Variants in CDKAL1 observed in about 807,000 individuals in gnomAD.
The protein encoded by CDKAL1 is threonylcarbamoyladenosine tRNA methylthiotransferase.
In CDKAL1, 32 loss-of-function variants were observed where a neutral mutation model predicts 68.2. That is an observed-to-expected ratio of 0.47 (90% CI 0.35 to 0.63). The LOEUF is 0.63. Ranked by LOEUF, CDKAL1 falls within the 30% of genes least tolerant of loss-of-function variation. The probability of loss-of-function intolerance (pLI) is 0.00; values close to 1 mark genes in which losing one functional copy is unlikely to be tolerated. For missense variants in CDKAL1, 606 were observed against 696.7 expected (o/e 0.87, Z 1.47); for synonymous variants, 234 against 244.3 (o/e 0.96, Z 0.39).
intron 3 of CDKAL1, among the ~76,000 whole-genome samples, chr6:20,548,026 A>G (rs997512170): frequency 1.3e-5 from 2 of 152,184 alleles, no homozygotes; most frequent in African/African-American, 4.8e-5. Context: ...TATGAATTTA[A>G]AATGCAATTC....
chr6:21,200,939 A>G (rs369843717), intron 14 of CDKAL1, 171 bp from the exon 15 acceptor site: 3 of 501,258 alleles, frequency 6.0e-6, no homozygotes, highest in Non-Finnish European at 1.0e-5. Flanking sequence ...GGGTTCATTA[A>G]TTGTGGCAAA....
intron 9 of CDKAL1, among the ~76,000 whole-genome samples, chr6:20,874,557 C>T (rs981406089): frequency 4.0e-5 from 6 of 151,708 alleles, no homozygotes; most frequent in Non-Finnish European, 5.9e-5. Flanking sequence ...ACTCTGTAAC[C>T]GAGGCTGGAG....
chr6:21,207,985 G>A (rs6902505), intron 15 of CDKAL1, among the ~76,000 whole-genome samples: 4 of 151,558 alleles, frequency 2.6e-5, no homozygotes, highest in South Asian at 2.1e-4. Context: ...CCATTCTTAC[G>A]GACAGACATT....
chr6:21,123,711 T>C (rs575581282), intron 13 of CDKAL1, among the ~76,000 whole-genome samples: 1 of 152,368 alleles, frequency 6.6e-6, no homozygotes, highest in African/African-American at 2.4e-5. Context: ...AGTCCACTTT[T>C]ATCACAGACC....
At chr6:20,749,864 T>G (rs1365769119) in intron 6 of CDKAL1, among the ~76,000 whole-genome samples, 2 of 151,742 alleles carry the variant, frequency 1.3e-5, no homozygotes, top group Non-Finnish European at 2.9e-5. Flanking sequence ...TTCTTTTTCT[T>G]TTCCTTTTTT....
chr6:20,995,535 G>A (rs1237551138), intron 10 of CDKAL1, among the ~76,000 whole-genome samples: 1 of 152,188 alleles, frequency 6.6e-6, no homozygotes, highest in Non-Finnish European at 1.5e-5. Flanking sequence ...AGATGACCAG[G>A]TGCATTGTCC....
intron 13 of CDKAL1, among the ~76,000 whole-genome samples, chr6:21,171,325 G>A (rs908622310): frequency 6.6e-6 from 1 of 152,090 alleles, no homozygotes; most frequent in Admixed American, 6.5e-5. Context: ...GGATTCTCCT[G>A]CCTCAGCCTC....
intron 9 of CDKAL1, among the ~76,000 whole-genome samples, chr6:20,901,248 TC>T (rs1013963693): frequency 1.7e-4 from 26 of 152,192 alleles, no homozygotes; most frequent in Non-Finnish European, 3.5e-4. Context: ...TCTGTTTTTT[TC>T]CTCTTGGATT....
At chr6:20,927,623 A>C (rs1763243872) in intron 9 of CDKAL1, among the ~76,000 whole-genome samples, 1 of 152,150 alleles carries the variant, frequency 6.6e-6, no homozygotes, top group South Asian at 2.1e-4. Context: ...TGGAATTCTG[A>C]TTCTGGAATT....
At chr6:21,069,774 C>CTTTTT (rs60241965) in intron 12 of CDKAL1, among the ~76,000 whole-genome samples, 1 of 69,912 alleles carries the variant, frequency 1.4e-5, no homozygotes, top group Non-Finnish European at 2.6e-5. Context: ...GATTTTCTTT[C>CTTTTT]TTTTTTTTTT....
chr6:20,756,753 C>T (rs987925587), intron 6 of CDKAL1: 3 of 152,180 alleles, frequency 2.0e-5, no homozygotes, highest in Admixed American at 6.5e-5. Flanking sequence ...AGCCTTTCCT[C>T]ATTTTCTGTA....
chr6:20,835,388 GTCT>G (rs1356328786), intron 8 of CDKAL1, among the ~76,000 whole-genome samples: 10 of 152,270 alleles, frequency 6.6e-5, no homozygotes, highest in Admixed American at 3.9e-4. Context: ...AGCCTTTTGA[GTCT>G]TCTTAGAATT....
At chr6:20,606,650 A>G (rs1272522138) in intron 4 of CDKAL1, among the ~76,000 whole-genome samples, 1 of 152,214 alleles carries the variant, frequency 6.6e-6, no homozygotes, top group Non-Finnish European at 1.5e-5. Context: ...TATTGATTTG[A>G]GATCATCTTA....
rs1007466266 is a variant in CDKAL1, at chr6:20,717,304, C to T, written c.372-22215C>T. Among the ~76,000 whole-genome samples, 4 of 151,530 alleles carry T rather than the reference C, an allele frequency of 2.6e-5. No homozygotes were observed. In the South Asian group the frequency reaches 6.3e-4, roughly 24 times the overall value. The stretch of plus-strand genomic sequence containing the variant: ...TTGTATTTTTAATACAAAATACATG[C>T]GTATATTTATGCTATTGAGTCTGAT... On this transcript the variant is annotated intron_variant, in intron 5 of 15. Coordinates refer to ENST00000274695, the MANE Select transcript of CDKAL1 (RefSeq NM_017774.3).
intron 11 of CDKAL1, among the ~76,000 whole-genome samples, chr6:21,019,940 G>C (rs1265058061): frequency 6.7e-6 from 1 of 150,332 alleles, no homozygotes; most frequent in Non-Finnish European, 1.5e-5. Context: ...TCTCTTTTGT[G>C]TCTTTGTTAT....
chr6:20,798,672 C>G (rs544186288), intron 8 of CDKAL1, among the ~76,000 whole-genome samples: 2 of 148,902 alleles, frequency 1.3e-5, no homozygotes, highest in Non-Finnish European at 3.0e-5. Flanking sequence ...GACAGAAAAC[C>G]AAACACCGCA....
At chr6:20,700,154 A>T (rs1771277212) in intron 5 of CDKAL1, among the ~76,000 whole-genome samples, 1 of 151,326 alleles carries the variant, frequency 6.6e-6, no homozygotes, top group Non-Finnish European at 1.5e-5. Context: ...AACTGAATTT[A>T]TTTTTTCCAC....
At chr6:20,992,206 A>G (rs1043555238) in intron 10 of CDKAL1, among the ~76,000 whole-genome samples, 3 of 145,992 alleles carry the variant, frequency 2.1e-5, no homozygotes, top group Admixed American at 6.8e-5. Flanking sequence ...TTATATATAT[A>G]TATATGTATT....
chr6:20,930,927 T>TA (rs1763417225), intron 9 of CDKAL1, among the ~76,000 whole-genome samples: 2 of 150,196 alleles, frequency 1.3e-5, no homozygotes, highest in African/African-American at 4.9e-5. Flanking sequence ...GTATTTTTAG[T>TA]AGAGACGGGG....
Sources: gnomAD v4.1 joint callset for allele counts (sites outside exome capture counted in the v4.1 genomes callset) on GRCh38, gnomAD v4.1.1 for gene constraint, MANE v1.5 for transcripts, NCBI Gene and HGNC (gene_info 2026-07-23, HGNC 2026-07-21) for gene names.